The following ZDHHC20 variants were observed in gnomAD, a reference collection of about 807,000 sequenced individuals.
ZDHHC20 encodes palmitoyltransferase ZDHHC20.
A neutral mutation model predicts 57.8 loss-of-function variants in ZDHHC20; 43 were observed. That is an observed-to-expected ratio of 0.74 (90% confidence interval 0.58 to 0.96). ZDHHC20 has a LOEUF of 0.96. ZDHHC20 is among the 40% of genes least tolerant of loss of function. The probability of loss-of-function intolerance (pLI) is 0.00; values close to 1 mark genes in which losing one functional copy is unlikely to be tolerated. For synonymous variants in ZDHHC20, 157 were observed against 153.0 expected (o/e 1.03, Z -0.19); for missense variants, 391 against 441.1 (o/e 0.89, Z 1.02).
At chr13:21,406,956 C>T (rs958453594) in intron 4 of ZDHHC20, among the ~76,000 whole-genome samples, 20 of 152,112 alleles carry the variant, frequency 1.3e-4, no homozygotes, top group South Asian at 4.1e-4. Flanking sequence ...GGAATCGCCG[C>T]GCTGTCTTCC....
intron 4 of ZDHHC20, among the ~76,000 whole-genome samples, chr13:21,411,786 T>G (rs1335998031): frequency 6.6e-6 from 1 of 152,142 alleles, no homozygotes; most frequent in African/African-American, 2.4e-5. Flanking sequence ...GAGGGTAGTG[T>G]TTTTCATTAA....
intron 1 of ZDHHC20, among the ~76,000 whole-genome samples, chr13:21,432,332 T>TA (rs1882055911): frequency 1.1e-5 from 1 of 88,352 alleles, no homozygotes; most frequent in Non-Finnish European, 2.5e-5. Context: ...GTCCCACTAA[T>TA]TTTTTTTTTT....
At chr13:21,387,011 A>G (rs562583091) in intron 9 of ZDHHC20, among the ~76,000 whole-genome samples, 1 of 152,304 alleles carries the variant, frequency 6.6e-6, no homozygotes, top group Non-Finnish European at 1.5e-5. Context: ...CTTTTTGATG[A>G]CTTTGGTATA....
At chr13:21,432,030 C>T (rs1197514543) in intron 1 of ZDHHC20, among the ~76,000 whole-genome samples, 1 of 152,068 alleles carries the variant, frequency 6.6e-6, no homozygotes, top group African/African-American at 2.4e-5. Flanking sequence ...ATGAAAGTCA[C>T]AGTTTCTCAT....
At chr13:21,382,053 A>T in intron 10 of ZDHHC20, 1 of 429,708 alleles carries the variant, frequency 2.3e-6, no homozygotes, top group South Asian at 1.6e-5. Context: ...AAGGAAACTA[A>T]CATTTGTTGG....
chr13:21,395,311 C>G (rs989805803), intron 7 of ZDHHC20, among the ~76,000 whole-genome samples: 1 of 151,304 alleles, frequency 6.6e-6, no homozygotes, highest in South Asian at 2.1e-4. Context: ...CGTGATCCAC[C>G]TGCCTCGGCC....
At position 21,459,221 on chromosome 13, in the gene ZDHHC20, G is replaced by T. The variant is rs1235326779; in HGVS notation, c.-50C>A. 2.1e-6 allele frequency: 3 copies of T among 1,460,056 alleles called. No homozygotes were observed. Among genetic ancestry groups the T allele is most frequent in the East Asian group, 2.7e-5 (1 of 37,648 alleles). 90.4% of individuals were successfully genotyped at this position (1,460,056 alleles called of 1,614,324 possible). On this transcript the variant is annotated 5_prime_UTR_variant, in exon 1 of 13. Transcript: ENST00000400590. ...CGCGTCCCACCGTTCTGGGGAGCGC[G>T]GGAGCCCCGGCGACGGTGACTCGGA...
chr13:21,391,900 AACTT>A (rs1414989308), intron 7 of ZDHHC20, 46 bp from the exon 8 acceptor site: 2 of 1,571,300 alleles, frequency 1.3e-6, no homozygotes, highest in Admixed American at 3.8e-5. Flanking sequence ...TCTAAAATAT[AACTT>A]ACAAGTTAGT....
intron 1 of ZDHHC20, among the ~76,000 whole-genome samples, chr13:21,447,702 A>C (rs1883904746): frequency 9.2e-6 from 1 of 108,744 alleles, no homozygotes; most frequent in Non-Finnish European, 2.1e-5. Flanking sequence ...CCCGGCCGCC[A>C]CCCCGTCTGG....
rs1874791042 is a variant in ZDHHC20 at position 21,387,589 on chromosome 13, C to A, written c.773G>T (p.Gly258Val). The A allele has an allele frequency of 6.6e-7, 1 of 1,514,638 alleles. No homozygotes were observed. Among genetic ancestry groups the A allele is most frequent in the South Asian group, 1.3e-5 (1 of 77,044 alleles). 93.8% of individuals were successfully genotyped at this position (1,514,638 alleles called of 1,614,324 possible). A position where few individuals can be genotyped will look rare whatever the true frequency, so the allele number is the denominator to read the frequency against. The part of the protein sequence containing the change: ...PTFSYGPDGN[G>V]FSLGCSKNWR... ...ATTTTTACTGCATCCAAGAGAGAAACCATTTCCATCAGGTCCGTATGAAAA... is the reference window on the plus strand; with the variant it reads ...ATTTTTACTGCATCCAAGAGAGAAAACATTTCCATCAGGTCCGTATGAAAA... Residue 258 changes from glycine to valine, a missense_variant, in exon 9 of 13, where the codon GGT becomes GTT. Physicochemically the swap from Gly to Val is moderately radical, Grantham distance 109. Around this residue, in one of 3 missense-constraint regions of ZDHHC20, gnomAD observed 197 missense variants for 220.8 expected, o/e 0.89. Coordinates refer to ENST00000400590, the MANE Select transcript of ZDHHC20 (RefSeq NM_001330059.2).
rs184560949 is a variant in ZDHHC20 at position 21,378,672 on chromosome 13, T to C, written c.*29A>G. The C allele has an allele frequency of 1.3e-4, 194 of 1,441,466 alleles. No homozygotes were observed. Among genetic ancestry groups the C allele is most frequent in the Non-Finnish European group, 1.7e-4 (185 of 1,088,152 alleles). The allele number at this position is 1,441,466 out of a possible 1,614,324, so 89.3% of individuals were successfully genotyped here. A position where few individuals can be genotyped will look rare whatever the true frequency, so the allele number is the denominator to read the frequency against. The stretch of plus-strand genomic sequence containing the variant: ...TTATACTGTCTTACCTTGCTCTTAT[T>C]CAAATGGTTAGTTATGAACAAGTGG... On this transcript the variant is annotated 3_prime_UTR_variant, in exon 12 of 13. Coordinates refer to ENST00000400590, the MANE Select transcript of ZDHHC20 (RefSeq NM_001330059.2).
intron 1 of ZDHHC20, among the ~76,000 whole-genome samples, chr13:21,451,432 T>C (rs553144836): frequency 5.3e-5 from 8 of 152,322 alleles, no homozygotes; most frequent in Middle Eastern, 6.8e-3. Flanking sequence ...GACCCAATTA[T>C]ACTATAAGTC....
At chr13:21,441,077 AT>A (rs1316520589) in intron 1 of ZDHHC20, among the ~76,000 whole-genome samples, 1 of 152,114 alleles carries the variant, frequency 6.6e-6, no homozygotes. Flanking sequence ...CTGATTGCTT[AT>A]TCTTTCTTAT....
intron 8 of ZDHHC20, among the ~76,000 whole-genome samples, chr13:21,390,511 T>C (rs974937025): frequency 2.6e-5 from 4 of 152,084 alleles, no homozygotes; most frequent in Non-Finnish European, 5.9e-5. Flanking sequence ...GACACAAATA[T>C]GGAAATAATG....
intron 4 of ZDHHC20, among the ~76,000 whole-genome samples, chr13:21,403,963 C>T (rs1878085729): frequency 6.6e-6 from 1 of 152,202 alleles, no homozygotes; most frequent in South Asian, 2.1e-4. Flanking sequence ...GCTGGGATTA[C>T]AGGCGTGAGC....
intron 1 of ZDHHC20, among the ~76,000 whole-genome samples, chr13:21,429,383 T>C (rs529256764): frequency 2.0e-5 from 3 of 152,372 alleles, no homozygotes; most frequent in African/African-American, 4.8e-5. Flanking sequence ...ATATGCTGGA[T>C]ATAGAATTCT....
chr13:21,374,180 A>T lies in ZDHHC20; in HGVS notation c.*2516T>A, dbSNP rs900397773. ...TATGTTTTAACATTTATCTCCTTATAATATGCAAACTGCCAAACTGGAGTT... is the reference window on the plus strand; with the variant it reads ...TATGTTTTAACATTTATCTCCTTATTATATGCAAACTGCCAAACTGGAGTT... On this transcript the variant is annotated 3_prime_UTR_variant, in exon 13 of 13. Transcript: ENST00000400590. The T allele has an allele frequency of 5.4e-6, 1 of 183,512 alleles. No homozygotes were observed. The highest frequency in any genetic ancestry group is 2.3e-5 in the African/African-American group (1 of 43,332). The allele number at this position is 183,512 out of a possible 1,614,324, so 11.4% of individuals were successfully genotyped here.
At chr13:21,424,742 T>C (rs1310785460) in intron 2 of ZDHHC20, among the ~76,000 whole-genome samples, 2 of 150,762 alleles carry the variant, frequency 1.3e-5, no homozygotes, top group South Asian at 4.2e-4. Context: ...AGAGACACGG[T>C]AAAAATAGCC....
intron 4 of ZDHHC20, among the ~76,000 whole-genome samples, chr13:21,410,703 C>A (rs1879081913): frequency 6.6e-6 from 1 of 152,148 alleles, no homozygotes; most frequent in Non-Finnish European, 1.5e-5. Flanking sequence ...TGGCAGAAGC[C>A]CCTCCCCCCA....
Sources: gnomAD v4.1 joint callset for allele counts (sites outside exome capture counted in the v4.1 genomes callset) on GRCh38, gnomAD v4.1.1 for gene constraint, gnomAD v4.1.1 regional missense constraint, MANE v1.5 for transcripts, NCBI Gene and HGNC (gene_info 2026-07-23, HGNC 2026-07-21) for gene names.